Variants in GPR135 observed in about 807,000 individuals in gnomAD.
The protein encoded by GPR135 is G-protein coupled receptor 135.
GPR135 carries 17 observed loss-of-function variants against 15.0 expected under a neutral mutation model. The observed-to-expected ratio is 1.13, with a 90% CI of 0.78 to 1.70. The LOEUF (loss-of-function observed/expected upper bound fraction) is 1.70. Ranked by LOEUF, GPR135 falls within the 40% of genes most tolerant of loss-of-function variation. The pLI, the probability that GPR135 is intolerant of heterozygous loss-of-function variation, is 0.00. For synonymous variants in GPR135, 368 were observed against 349.4 expected (o/e 1.05, Z -0.59); for missense variants, 776 against 727.0 (o/e 1.07, Z -0.78).
chr14:59,463,922 GGCA>G lies in GPR135; in HGVS notation c.1302_1304del (p.Ala435del), dbSNP rs1566549620. 8 of 1,614,026 alleles carry G rather than the reference GGCA, an allele frequency of 5.0e-6. No homozygotes were observed. Among genetic ancestry groups the G allele is most frequent in the Non-Finnish European group, 6.8e-6 (8 of 1,179,942 alleles). On this transcript the variant is annotated inframe_deletion, in exon 1 of 1. Transcript: ENST00000395116. ...TCCTGTTGCAGGCCCCCAGCCGGTT[GGCA>G]TAGCGGTTTCGAAGGCGACTGCGGC...
chr14:59,459,646 CT>C (rs1163222728), downstream of GPR135, among the ~76,000 whole-genome samples: 4 of 152,228 alleles, frequency 2.6e-5, no homozygotes, highest in East Asian at 7.7e-4. Context: ...AAAATAATTA[CT>C]TTCTTTCTTA....
chr14:59,454,871 G>T (rs543728793), intron 6 of GPR135, among the ~76,000 whole-genome samples: 163 of 152,248 alleles, frequency 1.1e-3, no homozygotes, highest in African/African-American at 3.9e-3. Flanking sequence ...GGAGGCCGAG[G>T]CAGGCAGATC....
At position 59,462,944 on chromosome 14, in the gene GPR135, A is replaced by G. The variant is rs1236256461; in HGVS notation, c.*798T>C. On this transcript the variant is annotated 3_prime_UTR_variant, in exon 1 of 1. Coordinates refer to ENST00000395116, the MANE Select transcript of GPR135 (RefSeq NM_022571.6). ...AGCATTCTGAGAGCAGCATTCCAAA[A>G]TTTATCAGAAATAAAAGTAACAGGT... 6.6e-6 allele frequency: 1 copy of G among 152,212 alleles called. No individual in the cohort carries two copies. The highest frequency in any genetic ancestry group is 1.5e-5 in the Non-Finnish European group (1 of 68,036). 9.4% of individuals were successfully genotyped at this position (152,212 alleles called of 1,614,324 possible). A position where few individuals can be genotyped will look rare whatever the true frequency, so the allele number is the denominator to read the frequency against.
In GPR135 at chr14:59,464,980, C is replaced by A; in HGVS notation, c.247G>T (p.Ala83Ser). ...GGSGAAREAGAAVRRPLGPEA... is the reference protein window; with the variant it reads ...GGSGAAREAGSAVRRPLGPEA... ...GGGCCTAGCGGCCGCCTCACCGCCG[C>A]CCCCGCCTCCCGCGCTGCCCCGGAC... Residue 83 changes from alanine (A) to serine (S), a missense_variant, in exon 1 of 1, where the codon GCG (alanine) becomes TCG (serine). Transcript: ENST00000395116. 1 of 1,456,718 alleles carries A rather than the reference C, an allele frequency of 6.9e-7. No individual in the cohort carries two copies. Among genetic ancestry groups the A allele is most frequent in the African/African-American group, 1.5e-5 (1 of 67,228 alleles). The allele number at this position is 1,456,718 out of a possible 1,614,324, so 90.2% of individuals were successfully genotyped here.
At chr14:59,457,078 T>C (rs1021580779), downstream of GPR135, among the ~76,000 whole-genome samples, 7 of 152,192 alleles carry the variant, frequency 4.6e-5, no homozygotes, top group African/African-American at 1.4e-4. Context: ...TTTGGCTAAA[T>C]ATAGGATTCT....
Position 59,462,667 on chromosome 14 carries a change from G to T in GPR135, c.*1075C>A, listed in dbSNP as rs1406722351. 6.6e-6 allele frequency: 1 copy of T among 152,116 alleles called. No individual in the cohort carries two copies. Among genetic ancestry groups the T allele is most frequent in the South Asian group, 2.1e-4 (1 of 4,822 alleles). 9.4% of individuals were successfully genotyped at this position (152,116 alleles called of 1,614,324 possible). A position where few individuals can be genotyped will look rare whatever the true frequency, so the allele number is the denominator to read the frequency against. On this transcript the variant is annotated 3_prime_UTR_variant, in exon 1 of 1. Coordinates refer to ENST00000395116, the MANE Select transcript of GPR135 (RefSeq NM_022571.6). ...GAAAAGTCTACGCTAATTCCAAGAG[G>T]CTGCTTCTCAAAATAGTTTTAGAAT...
chr14:59,461,241 A>C lies in GPR135; in HGVS notation c.*2501T>G, dbSNP rs1358746380. On this transcript the variant is annotated 3_prime_UTR_variant, in exon 1 of 1. Coordinates refer to ENST00000395116, the MANE Select transcript of GPR135 (RefSeq NM_022571.6). ...ATGATGATAATGATGACAGTACCATAATTGATCATGATTGATTTCCTTACC... is the reference window on the plus strand; with the variant it reads ...ATGATGATAATGATGACAGTACCATCATTGATCATGATTGATTTCCTTACC... The C allele has an allele frequency of 6.6e-6, 1 of 152,200 alleles. No homozygotes were observed. Among genetic ancestry groups the C allele is most frequent in the Non-Finnish European group, 1.5e-5 (1 of 68,028 alleles). 9.4% of individuals were successfully genotyped at this position (152,200 alleles called of 1,614,324 possible).
In GPR135 at chr14:59,464,358, A is replaced by T; in HGVS notation, c.869T>A (p.Phe290Tyr). Residue 290 changes from phenylalanine (F) to tyrosine (Y), a missense_variant, in exon 1 of 1, where the codon TTC becomes TAC. Coordinates refer to ENST00000395116, the MANE Select transcript of GPR135 (RefSeq NM_022571.6). ...GLVVACYLLP[F>Y]LLMCFCHYHI... Reference sequence around the variant, plus strand: ...GTAGTGGCAGAAGCACATGAGCAGGAAGGGCAGCAGGTAGCAGGCCACCAC... The same window carrying T: ...GTAGTGGCAGAAGCACATGAGCAGGTAGGGCAGCAGGTAGCAGGCCACCAC... 14 of 1,608,686 alleles carry T rather than the reference A, an allele frequency of 8.7e-6. No individual in the cohort carries two copies. Among genetic ancestry groups the T allele is most frequent in the Non-Finnish European group, 1.2e-5 (14 of 1,177,836 alleles).
In GPR135 at chr14:59,464,705, G is replaced by GGCA; in HGVS notation, c.519_521dup (p.Ala177dup). 1 of 1,568,778 alleles carries GGCA rather than the reference G, an allele frequency of 6.4e-7. No homozygotes were observed. Among genetic ancestry groups the GGCA allele is most frequent in the Non-Finnish European group, 8.6e-7 (1 of 1,160,770 alleles). ...AGCCGCGCCAGGGCCCCGCGGCGGC[G>GGCA]GCAGGCGCCGAACCCCCGGGCGGAG... is the stretch of plus-strand genomic sequence containing the variant. On this transcript the variant is annotated inframe_insertion, in exon 1 of 1. Transcript: ENST00000395116.
At position 59,464,005 on chromosome 14, in the gene GPR135, T is replaced by C; in HGVS notation, c.1222A>G (p.Thr408Ala). 2 of 1,614,018 alleles carry C rather than the reference T, an allele frequency of 1.2e-6. No individual in the cohort carries two copies. The highest frequency in any genetic ancestry group is 1.7e-6 in the Non-Finnish European group (2 of 1,180,028). ...LGRNREEGYR[T>A]RNVDAFLPSQ... ...GGCAGGAAAGCGTCCACATTCCTAG[T>C]CCGGTAGCCCTCCTCGCGGTTGCGC... The change falls in exon 1 of 1, where the codon ACT becomes GCT. Residue 408 changes from threonine (T) to alanine (A), a missense_variant. Thr to Ala is a moderately conservative substitution (Grantham distance 58, BLOSUM62 0). Transcript: ENST00000395116.
downstream of GPR135, among the ~76,000 whole-genome samples, chr14:59,459,276 A>G (rs928345984): frequency 6.6e-6 from 1 of 152,216 alleles, no homozygotes; most frequent in Non-Finnish European, 1.5e-5. Flanking sequence ...ATATCAAAAC[A>G]TATCAAAAAC....
chr14:59,464,601 C>A lies in GPR135; in HGVS notation c.626G>T (p.Arg209Leu), dbSNP rs780904264. The change falls in exon 1 of 1, where the codon CGT becomes CTT. Residue 209 changes from arginine to leucine, a missense_variant. Physicochemically the swap from Arg to Leu is moderately radical, Grantham distance 102. Coordinates refer to ENST00000395116, the MANE Select transcript of GPR135 (RefSeq NM_022571.6). Reference protein sequence around the residue: ...TLSVALISLDRYCAIVRPPRE... With the variant: ...TLSVALISLDLYCAIVRPPRE... The stretch of plus-strand genomic sequence containing the variant: ...CGGCGGCCGCACGATAGCGCAGTAA[C>A]GGTCCAACGAGATGAGCGCCACGCT... 1.0e-5 allele frequency: 16 copies of A among 1,595,288 alleles called. No individual in the cohort carries two copies. The highest frequency in any genetic ancestry group is 1.3e-5 in the Non-Finnish European group (15 of 1,177,594).
At chr14:59,453,102 A>G (rs532155409) in intron 6 of GPR135, among the ~76,000 whole-genome samples, 1 of 152,372 alleles carries the variant, frequency 6.6e-6, no homozygotes, top group South Asian at 2.1e-4. Flanking sequence ...GATGGAGCAC[A>G]GAGGAATTTT....
In GPR135 at chr14:59,462,670, G is replaced by A. The variant is rs1888910089; in HGVS notation, c.*1072C>T. ...AAGTCTACGCTAATTCCAAGAGGCTGCTTCTCAAAATAGTTTTAGAATTTC... is the reference window on the plus strand; with the variant it reads ...AAGTCTACGCTAATTCCAAGAGGCTACTTCTCAAAATAGTTTTAGAATTTC... On this transcript the variant is annotated 3_prime_UTR_variant, in exon 1 of 1. Transcript: ENST00000395116. The A allele has an allele frequency of 6.6e-6, 1 of 152,170 alleles. No homozygotes were observed. The highest frequency in any genetic ancestry group is 2.4e-5 in the African/African-American group (1 of 41,436). 9.4% of individuals were successfully genotyped at this position (152,170 alleles called of 1,614,324 possible).
chr14:59,455,269 C>T (rs1300747189), intron 6 of GPR135, among the ~76,000 whole-genome samples: 1 of 152,080 alleles, frequency 6.6e-6, no homozygotes, highest in African/African-American at 2.4e-5. Context: ...GCAAAGAGGA[C>T]CTGCGTCTTG....
chr14:59,452,991 C>A (rs991709179), intron 6 of GPR135, among the ~76,000 whole-genome samples: 1 of 152,158 alleles, frequency 6.6e-6, no homozygotes, highest in Non-Finnish European at 1.5e-5. Flanking sequence ...AGGCTTCCTA[C>A]GGTATGATTC....
chr14:59,453,850 T>C (rs1888566959), intron 6 of GPR135, among the ~76,000 whole-genome samples: 1 of 152,228 alleles, frequency 6.6e-6, no homozygotes, highest in African/African-American at 2.4e-5. Flanking sequence ...ATATTATCTA[T>C]TTTTAAAGTA....
At chr14:59,454,620 C>G (rs1888592329) in intron 6 of GPR135, among the ~76,000 whole-genome samples, 1 of 151,838 alleles carries the variant, frequency 6.6e-6, no homozygotes, top group Non-Finnish European at 1.5e-5. Context: ...TTAGGATTTT[C>G]TGTACTAAAG....
chr14:59,465,238 G>A lies in GPR135; in HGVS notation c.-12C>T. 3 of 1,231,598 alleles carry A rather than the reference G, an allele frequency of 2.4e-6. No individual in the cohort carries two copies. The highest frequency in any genetic ancestry group is 3.0e-6 in the Non-Finnish European group (3 of 987,552). The allele number at this position is 1,231,598 out of a possible 1,614,324, so 76.3% of individuals were successfully genotyped here. A position where few individuals can be genotyped will look rare whatever the true frequency, so the allele number is the denominator to read the frequency against. On this transcript the variant is annotated 5_prime_UTR_variant, in exon 1 of 1. Transcript: ENST00000395116. ...TGCGGCTCCTCCATGGGGCCCAGTG[G>A]CGGCCGCGGATCTCCTCATCCCGCA...
Sources: allele counts gnomAD v4.1 joint callset (sites outside exome capture counted in the v4.1 genomes callset), GRCh38; gene constraint gnomAD v4.1.1; transcripts MANE v1.5; gene names NCBI Gene and HGNC (gene_info 2026-07-23, HGNC 2026-07-21).